Variants in COL27A1 observed in about 807,000 individuals in gnomAD.
The protein encoded by COL27A1 is collagen type XXVII alpha 1 chain.
A neutral mutation model predicts 251.3 loss-of-function variants in COL27A1; 106 were observed. That is an observed-to-expected ratio of 0.42 (90% CI 0.36 to 0.50). The LOEUF (loss-of-function observed/expected upper bound fraction) is 0.50. Among genes scored for constraint, COL27A1 ranks in the 20% least tolerant of loss-of-function variants. COL27A1 has a pLI of 0.00. For synonymous variants in COL27A1, 1,000 were observed against 986.3 expected (o/e 1.01, Z -0.26); for missense variants, 2,325 against 2,522.8 (o/e 0.92, Z 1.68).
At chr9:114,291,636 C>A (rs764218298) in intron 48 of COL27A1, among the ~76,000 whole-genome samples, 1 of 152,168 alleles carries the variant, frequency 6.6e-6, no homozygotes, top group Non-Finnish European at 1.5e-5. Flanking sequence ...GTAGTCCCAG[C>A]CACTCGGGAG....
In COL27A1 at chr9:114,306,410, C is replaced by G. The variant is rs570731943; in HGVS notation, c.4939-110C>G. 70 of 1,100,226 alleles carry G rather than the reference C, an allele frequency of 6.4e-5. 1 individual carries two copies. In the Admixed American group the frequency reaches 1.0e-3, roughly 16 times the overall value. The allele number at this position is 1,100,226 out of a possible 1,614,324, so 68.2% of individuals were successfully genotyped here. A position where few individuals can be genotyped will look rare whatever the true frequency, so the allele number is the denominator to read the frequency against. On this transcript the variant is annotated intron_variant, in intron 57 of 60. Transcript: ENST00000356083. Reference sequence around the variant, plus strand: ...ACCCAACCCGTGCTCTAGCCATGACCGTGGAACCGAGATACCTCCCAGGTT... The same window carrying G: ...ACCCAACCCGTGCTCTAGCCATGACGGTGGAACCGAGATACCTCCCAGGTT...
chr9:114,178,791 G>GGACTC (rs1827673749), intron 4 of COL27A1, among the ~76,000 whole-genome samples: 1 of 152,180 alleles, frequency 6.6e-6, no homozygotes, highest in South Asian at 2.1e-4. Flanking sequence ...TCCTGCTGGA[G>GGACTC]AGAGGCTGGG....
At chr9:114,174,268 G>A (rs1849532396) in intron 3 of COL27A1, among the ~76,000 whole-genome samples, 1 of 151,982 alleles carries the variant, frequency 6.6e-6, no homozygotes, top group Non-Finnish European at 1.5e-5. Context: ...TTTACGGAGG[G>A]GTGGACAGCA....
intron 28 of COL27A1, among the ~76,000 whole-genome samples, chr9:114,262,719 C>A (rs1314696932): frequency 6.6e-6 from 1 of 152,246 alleles, no homozygotes; most frequent in Non-Finnish European, 1.5e-5. Flanking sequence ...GGGCTGGACC[C>A]CACAATGGGC....
intron 10 of COL27A1, among the ~76,000 whole-genome samples, chr9:114,208,825 G>A (rs1830155913): frequency 6.6e-6 from 1 of 152,128 alleles, no homozygotes; most frequent in African/African-American, 2.4e-5. Context: ...GCTTGCCCAA[G>A]GAGAGCGCTT....
intron 60 of COL27A1, among the ~76,000 whole-genome samples, chr9:114,310,328 TAAG>T (rs1829361163): frequency 6.6e-6 from 1 of 152,158 alleles, no homozygotes; most frequent in South Asian, 2.1e-4. Context: ...TCTAGGGAAA[TAAG>T]AATGCACACA....
In COL27A1 at chr9:114,243,574, G is replaced by A. The variant is rs549785266; in HGVS notation, c.2934+14G>A. Reference sequence around the variant, plus strand: ...GATGGCGTGAAGGTGAGGGGACCTGGAGATCCCTGGGGACAAGAGGAAAGA... The same window carrying A: ...GATGGCGTGAAGGTGAGGGGACCTGAAGATCCCTGGGGACAAGAGGAAAGA... On this transcript the variant is annotated intron_variant, in intron 23 of 60. Coordinates refer to ENST00000356083, the MANE Select transcript of COL27A1 (RefSeq NM_032888.4). The A allele has an allele frequency of 1.9e-6, 3 of 1,609,626 alleles. No homozygotes were observed. The highest frequency in any genetic ancestry group is 2.2e-5 in the East Asian group (1 of 44,804).
At chr9:114,172,110 C>T (rs1255440417) in intron 3 of COL27A1, among the ~76,000 whole-genome samples, 1 of 152,186 alleles carries the variant, frequency 6.6e-6, no homozygotes, top group African/African-American at 2.4e-5. Flanking sequence ...TGTCCCCACC[C>T]TAGGAGGAAC....
intron 2 of COL27A1, among the ~76,000 whole-genome samples, chr9:114,166,874 G>A (rs1338493272): frequency 1.3e-5 from 2 of 152,208 alleles, no homozygotes; most frequent in East Asian, 3.8e-4. Flanking sequence ...CTTTGCCAGG[G>A]GACAGAGGTT....
intron 5 of COL27A1, among the ~76,000 whole-genome samples, chr9:114,187,867 A>G (rs1828489263): frequency 6.6e-6 from 1 of 152,248 alleles, no homozygotes; most frequent in Non-Finnish European, 1.5e-5. Flanking sequence ...ACATTACTGT[A>G]TGTAAATGTT....
rs1176291467 is a variant in COL27A1 at position 114,278,467 on chromosome 9, G to A, written c.3717+2699G>A. ...TGATGGGGCACTGATGATGGTGGTG[G>A]TGATGGTGGTGGTGATAATGGTGGT... On this transcript the variant is annotated intron_variant, in intron 37 of 60. Coordinates refer to ENST00000356083, the MANE Select transcript of COL27A1 (RefSeq NM_032888.4). 1.4e-3 allele frequency among the ~76,000 whole-genome samples: 158 copies of A among 113,736 alleles called. 1 individual carries two copies. Among genetic ancestry groups the A allele is most frequent in the African/African-American group, 4.9e-3 (142 of 28,696 alleles). 74.6% of individuals were successfully genotyped at this position (113,736 alleles called of 152,430 possible).
Position 114,236,845 on chromosome 9 carries a change from G to C in COL27A1, c.2620-136G>C, listed in dbSNP as rs1832433610. On this transcript the variant is annotated intron_variant, in intron 17 of 60. Transcript: ENST00000356083. Reference sequence around the variant, plus strand: ...GTGATCCAAGCCAGAGCCCACAGCAGGGAAAGGAAGGAAGGAGCTCATCTT... The same window carrying C: ...GTGATCCAAGCCAGAGCCCACAGCACGGAAAGGAAGGAAGGAGCTCATCTT... The C allele has an allele frequency of 5.2e-6, 4 of 767,938 alleles. No homozygotes were observed. In the South Asian group the frequency reaches 6.4e-5, roughly 12 times the overall value. 47.6% of individuals were successfully genotyped at this position (767,938 alleles called of 1,614,324 possible).
rs569450450 is a variant in COL27A1, at chr9:114,265,556, G to C, written c.3393+81G>C. On this transcript the variant is annotated intron_variant, in intron 32 of 60. Transcript: ENST00000356083. ...GGGCCAGGTGGTCAGATAAGGAGAA[G>C]GGTTGGAAAGGGACCATGCCTGGCC... The C allele has an allele frequency of 9.3e-6, 13 of 1,402,004 alleles. No individual in the cohort carries two copies. The East Asian group carries it at 3.0e-4, about 33-fold the overall frequency. The allele number at this position is 1,402,004 out of a possible 1,614,324, so 86.8% of individuals were successfully genotyped here.
intron 28 of COL27A1, among the ~76,000 whole-genome samples, chr9:114,259,380 T>C (rs1192501437): frequency 3.3e-5 from 5 of 152,230 alleles, no homozygotes; most frequent in African/African-American, 1.2e-4. Flanking sequence ...CTATGCCAGA[T>C]ACTGCCTGTC....
At chr9:114,271,737 G>T (rs767634369) in intron 36 of COL27A1, 4 of 152,462 alleles carry the variant, frequency 2.6e-5, no homozygotes, top group Non-Finnish European at 4.4e-5. Flanking sequence ...CCCTGTGCAA[G>T]TCAGCTCCCC....
chr9:114,265,581 C>A, intron 32 of COL27A1, 106 bp downstream of exon 32: 1 of 1,111,978 alleles, frequency 9.0e-7, no homozygotes, highest in Non-Finnish European at 1.3e-6. Flanking sequence ...CATGCCTGGC[C>A]TCTAACCCGC....
intron 58 of COL27A1, chr9:114,307,141 C>G: frequency 5.4e-6 from 1 of 184,312 alleles, no homozygotes; most frequent in Admixed American, 5.6e-5. Context: ...CCATCCCGAG[C>G]TGCCCTTGCC....
intron 12 of COL27A1, among the ~76,000 whole-genome samples, chr9:114,217,470 G>T (rs7047420): frequency 0.018 from 2,721 of 152,312 alleles, 52 homozygotes; most frequent in African/African-American, 0.045. Flanking sequence ...ATGGGTCTGA[G>T]ACCTGCCTGG....
At chr9:114,216,505 G>C (rs912798257) in intron 12 of COL27A1, among the ~76,000 whole-genome samples, 2 of 152,220 alleles carry the variant, frequency 1.3e-5, no homozygotes, top group Non-Finnish European at 1.5e-5. Context: ...GCTGGAAATG[G>C]CTCTGCCACT....
Sources: allele counts gnomAD v4.1 joint callset (sites outside exome capture counted in the v4.1 genomes callset), GRCh38; gene constraint gnomAD v4.1.1; transcripts MANE v1.5; gene names NCBI Gene and HGNC (gene_info 2026-07-23, HGNC 2026-07-21).